PARD3: variants seen among roughly 807,000 people sequenced by gnomAD.
The protein encoded by PARD3 is par-3 family cell polarity regulator, also known as partitioning defective 3 homolog.
In PARD3, 75 loss-of-function variants were observed where a neutral mutation model predicts 155.4. That is an observed-to-expected ratio of 0.48 (90% confidence interval 0.40 to 0.58). PARD3 has a LOEUF of 0.58. Ranked by LOEUF, PARD3 falls within the 20% of genes least tolerant of loss-of-function variation. PARD3 has a pLI of 0.00. For synonymous variants in PARD3, 576 were observed against 610.5 expected (o/e 0.94, Z 0.83); for missense variants, 1,642 against 1,721.7 (o/e 0.95, Z 0.82).
At chr10:34,535,478 A>C (rs1417642232) in intron 2 of PARD3, among the ~76,000 whole-genome samples, 1 of 152,022 alleles carries the variant, frequency 6.6e-6, no homozygotes, top group African/African-American at 2.4e-5. Flanking sequence ...TTAAAGTAAG[A>C]TATGTTTTGG....
chr10:34,717,134 T>C (rs962684236), intron 1 of PARD3, among the ~76,000 whole-genome samples: 1 of 152,090 alleles, frequency 6.6e-6, no homozygotes, highest in Non-Finnish European at 1.5e-5. Flanking sequence ...GACAAGGGCA[T>C]CTAGTGAGTG....
At chr10:34,235,237 T>G (rs1953153639) in intron 22 of PARD3, among the ~76,000 whole-genome samples, 1 of 152,196 alleles carries the variant, frequency 6.6e-6, no homozygotes, top group African/African-American at 2.4e-5. Context: ...AAAAGCTTCT[T>G]AAATTACTAG....
chr10:34,471,296 ATT>A (rs2078329935), intron 3 of PARD3, among the ~76,000 whole-genome samples: 1 of 152,204 alleles, frequency 6.6e-6, no homozygotes, highest in African/African-American at 2.4e-5. Flanking sequence ...TCAGGTGAAC[ATT>A]TGTATCATTA....
At chr10:34,569,384 A>G (rs2086202530) in intron 2 of PARD3, among the ~76,000 whole-genome samples, 1 of 152,192 alleles carries the variant, frequency 6.6e-6, no homozygotes, top group South Asian at 2.1e-4. Flanking sequence ...TAAATTTGCA[A>G]TGCTTAAATA....
At chr10:34,221,292 A>G (rs1273188143) in intron 22 of PARD3, among the ~76,000 whole-genome samples, 1 of 151,862 alleles carries the variant, frequency 6.6e-6, no homozygotes, top group Non-Finnish European at 1.5e-5. Flanking sequence ...ACACCCTATG[A>G]GCGCAAGCTT....
rs570768811 is a variant in PARD3, at chr10:34,708,944, A to G, written c.121-12525T>C. Among the ~76,000 whole-genome samples the G allele has an allele frequency of 2.6e-5, 4 of 152,294 alleles. No homozygotes were observed. In the East Asian group the frequency reaches 5.8e-4, roughly 22 times the overall value. On this transcript the variant is annotated intron_variant, in intron 1 of 24. Transcript: ENST00000374788. ...TGTGGATATTTAAGGAAACACCCTTATTCTAAGGAGTTGTGTTCTGAAGTA... is the reference window on the plus strand; with the variant it reads ...TGTGGATATTTAAGGAAACACCCTTGTTCTAAGGAGTTGTGTTCTGAAGTA...
chr10:34,120,004 A>ATTTTTTTTTTTTTTTTTTTTTTTTTTTTT (rs1185067110), intron 23 of PARD3, among the ~76,000 whole-genome samples: 1 of 73,794 alleles, frequency 1.4e-5, no homozygotes, highest in African/African-American at 5.9e-5. Context: ...GTCTTCTTTA[A>ATTTTTTTTTTTTTTTTTTTTTTTTTTTTT]TTTTTTTTTT....
At chr10:34,582,015 A>G (rs748372656) in intron 2 of PARD3, among the ~76,000 whole-genome samples, 32 of 152,384 alleles carry the variant, frequency 2.1e-4, no homozygotes, top group Non-Finnish European at 3.8e-4. Flanking sequence ...GGAAGCTGAT[A>G]TTAACTATTT....
At chr10:34,366,319 A>C (rs866952286) in intron 12 of PARD3, among the ~76,000 whole-genome samples, 4 of 152,250 alleles carry the variant, frequency 2.6e-5, no homozygotes, top group Non-Finnish European at 5.9e-5. Flanking sequence ...ACTGAAGGCT[A>C]AGGTAAACCT....
At chr10:34,736,374 G>GCT in intron 1 of PARD3, among the ~76,000 whole-genome samples, 1 of 144,470 alleles carries the variant, frequency 6.9e-6, no homozygotes. Context: ...TGTCACCCAG[G>GCT]CTGGAGTGCA....
chr10:34,649,533 G>C (rs2092943708), intron 2 of PARD3, among the ~76,000 whole-genome samples: 1 of 152,214 alleles, frequency 6.6e-6, no homozygotes, highest in Non-Finnish European at 1.5e-5. Flanking sequence ...TGGTATAAAG[G>C]GTGAATGATG....
intron 1 of PARD3, among the ~76,000 whole-genome samples, chr10:34,759,895 T>C (rs2134008135): frequency 6.6e-6 from 1 of 152,380 alleles, no homozygotes; most frequent in Admixed American, 6.5e-5. Flanking sequence ...CGCTTTCTGA[T>C]TTTTGTCTAC....
chr10:34,546,731 G>A (rs951048970), intron 2 of PARD3, among the ~76,000 whole-genome samples: 1 of 152,076 alleles, frequency 6.6e-6, no homozygotes, highest in Non-Finnish European at 1.5e-5. Context: ...GTTTCACTGG[G>A]TACAAATGTA....
At chr10:34,377,936 C>T (rs10740890) in intron 10 of PARD3, 31 bp downstream of exon 10, 724,982 of 1,473,762 alleles carry the variant, frequency 0.49, 184,113 homozygotes, top group African/African-American at 0.86. Flanking sequence ...TTTCAAGAAT[C>T]AGGGAACATC....
Position 34,329,269 on chromosome 10 carries a change from C to A in PARD3, c.2833+1848G>T, listed in dbSNP as rs565083736. 9.9e-5 allele frequency among the ~76,000 whole-genome samples: 15 copies of A among 152,076 alleles called. No individual in the cohort carries two copies. In the South Asian group the frequency reaches 3.1e-3, roughly 32 times the overall value. On this transcript the variant is annotated intron_variant, in intron 19 of 24. Transcript: ENST00000374788. ...TGAAATGAGTGAAATATTATAAGAG[C>A]AAACTGCATTTTTTAAGGAAAATTA...
chr10:34,479,160 A>ATT (rs571846177), intron 3 of PARD3, among the ~76,000 whole-genome samples: 2,569 of 131,774 alleles, frequency 0.019, 111 homozygotes, highest in African/African-American at 0.067. Context: ...CTCAAATTTA[A>ATT]TTTTTTTTTT....
intron 1 of PARD3, among the ~76,000 whole-genome samples, chr10:34,809,730 A>T (rs1843864156): frequency 6.6e-6 from 1 of 152,226 alleles, no homozygotes; most frequent in Admixed American, 6.5e-5. Context: ...TCAGCACCAG[A>T]GGACAATGTG....
intron 2 of PARD3, among the ~76,000 whole-genome samples, chr10:34,573,608 GA>G (rs751299020): frequency 2.6e-5 from 4 of 152,114 alleles, no homozygotes; most frequent in Non-Finnish European, 5.9e-5. Flanking sequence ...TAAGGAGGCT[GA>G]GGCAGAAGAA....
chr10:34,738,436 C>T (rs955514785), intron 1 of PARD3, among the ~76,000 whole-genome samples: 4 of 152,198 alleles, frequency 2.6e-5, no homozygotes, highest in Admixed American at 6.5e-5. Context: ...CTTGGGGTCC[C>T]CCCAAAGTGC....
Sources: allele counts gnomAD v4.1 joint callset (sites outside exome capture counted in the v4.1 genomes callset), GRCh38; gene constraint gnomAD v4.1.1; transcripts MANE v1.5; gene names NCBI Gene and HGNC (gene_info 2026-07-23, HGNC 2026-07-21).